Variants in NOX4 observed in about 807,000 individuals in gnomAD.
NOX4 encodes NADPH oxidase 4.
Under a neutral mutation model 87.6 loss-of-function variants are expected in NOX4, and 69 were observed. The observed-to-expected ratio is 0.79, with a 90% confidence interval of 0.65 to 0.96. NOX4 has a LOEUF of 0.96. Ranked by LOEUF, NOX4 falls within the 40% of genes least tolerant of loss-of-function variation. NOX4 has a pLI of 0.00. For missense variants in NOX4, 680 were observed against 681.5 expected (o/e 1.00, Z 0.02); for synonymous variants, 275 against 238.2 (o/e 1.15, Z -1.42).
At chr11:89,506,031 G>C in the NOX4 span, among the ~76,000 whole-genome samples, 1 of 151,714 alleles carries the variant, frequency 6.6e-6, no homozygotes, top group Non-Finnish European at 1.5e-5. Context: ...TTATGGTATT[G>C]ATAAACATAG....
At chr11:89,544,358 T>C in the NOX4 span, among the ~76,000 whole-genome samples, 1 of 152,114 alleles carries the variant, frequency 6.6e-6, no homozygotes, top group Non-Finnish European at 1.5e-5. Context: ...TAAAGGTAGG[T>C]ACCACCACTT....
At chr11:89,360,359 A>G (rs150054528) in intron 12 of NOX4, among the ~76,000 whole-genome samples, 2,178 of 152,146 alleles carry the variant, frequency 0.014, 47 homozygotes, top group African/African-American at 0.05. Context: ...CACACACAAC[A>G]AAGGTAACTA....
intron 6 of NOX4, among the ~76,000 whole-genome samples, chr11:89,433,385 C>T (rs374671032): frequency 4.2e-4 from 64 of 152,044 alleles, no homozygotes; most frequent in African/African-American, 1.5e-3. Flanking sequence ...CAAATAGGTA[C>T]TTACTTCTAA....
At chr11:89,471,022 G>A (rs534081911) in intron 2 of NOX4, among the ~76,000 whole-genome samples, 7 of 152,224 alleles carry the variant, frequency 4.6e-5, no homozygotes, top group Admixed American at 2.0e-4. Flanking sequence ...TGAAGAAAGT[G>A]TCCGAGTGTC....
intron 11 of NOX4, among the ~76,000 whole-genome samples, chr11:89,373,908 GA>G (rs34389120): frequency 3.3e-5 from 5 of 151,840 alleles, no homozygotes; most frequent in Admixed American, 6.6e-5. Flanking sequence ...ATTCCAGGGA[GA>G]AAAAAATTCT....
chr11:89,570,745 G>T, the NOX4 span, among the ~76,000 whole-genome samples: 1 of 152,124 alleles, frequency 6.6e-6, no homozygotes, highest in African/African-American at 2.4e-5. Context: ...AGGATCACTG[G>T]AGCCTAGGAG....
the NOX4 span, among the ~76,000 whole-genome samples, chr11:89,542,172 TC>T: frequency 6.6e-6 from 1 of 152,234 alleles, no homozygotes; most frequent in African/African-American, 2.4e-5. Flanking sequence ...TAAATATTTC[TC>T]TTTTTACTGA....
chr11:89,523,651 C>A, the NOX4 span, among the ~76,000 whole-genome samples: 1 of 152,126 alleles, frequency 6.6e-6, no homozygotes, highest in Non-Finnish European at 1.5e-5. Flanking sequence ...GAAAACATGT[C>A]CACACTAAAA....
chr11:89,372,897 C>G (rs979555817), intron 12 of NOX4, among the ~76,000 whole-genome samples: 1 of 151,878 alleles, frequency 6.6e-6, no homozygotes, highest in Admixed American at 6.6e-5. Flanking sequence ...ACTCAAAGCT[C>G]TTACTACAAT....
rs1945189906 is a variant in NOX4 at position 89,325,595 on chromosome 11, G to T, written c.*1161C>A. The T allele has an allele frequency of 6.6e-6, 1 of 152,042 alleles. No individual in the cohort carries two copies. Among genetic ancestry groups the T allele is most frequent in the African/African-American group, 2.4e-5 (1 of 41,396 alleles). 9.4% of individuals were successfully genotyped at this position (152,042 alleles called of 1,614,324 possible). On this transcript the variant is annotated 3_prime_UTR_variant, in exon 18 of 18. Transcript: ENST00000263317. ...GTAATATTCTGGATTCTAAACTTAA[G>T]TTTGAATAAGAATATCATATTTCCT...
intron 2 of NOX4, among the ~76,000 whole-genome samples, chr11:89,465,056 G>C (rs945594194): frequency 6.6e-6 from 1 of 152,046 alleles, no homozygotes; most frequent in Non-Finnish European, 1.5e-5. Context: ...TTTTTACATA[G>C]GTATACACGT....
chr11:89,330,292 T>C (rs1179231468), intron 17 of NOX4, among the ~76,000 whole-genome samples: 2 of 152,034 alleles, frequency 1.3e-5, no homozygotes, highest in Admixed American at 6.6e-5. Context: ...AAGGTTGCAG[T>C]GAGTCTAGAT....
upstream of NOX4, chr11:89,498,670 C>T (rs1376831415): frequency 1.3e-5 from 2 of 152,228 alleles, no homozygotes; most frequent in South Asian, 2.1e-4. Context: ...GAAAAGAATT[C>T]GGCAGGAGGG....
chr11:89,430,882 A>G (rs907481177), intron 7 of NOX4, among the ~76,000 whole-genome samples: 35 of 152,212 alleles, frequency 2.3e-4, no homozygotes, highest in African/African-American at 7.5e-4. Context: ...ACCAAAAAAG[A>G]GCCTGCATTG....
intron 11 of NOX4, among the ~76,000 whole-genome samples, chr11:89,384,245 T>C (rs1940519548): frequency 6.6e-6 from 1 of 152,132 alleles, no homozygotes; most frequent in South Asian, 2.1e-4. Context: ...ATCTCAAACA[T>C]GCTTTCTTTA....
chr11:89,570,062 T>C, the NOX4 span, among the ~76,000 whole-genome samples: 1 of 151,004 alleles, frequency 6.6e-6, no homozygotes, highest in Non-Finnish European at 1.5e-5. Flanking sequence ...CATTAATGCA[T>C]ATGTTTATTA....
the NOX4 span, among the ~76,000 whole-genome samples, chr11:89,565,587 A>C: frequency 1.3e-5 from 2 of 152,252 alleles, no homozygotes; most frequent in Non-Finnish European, 2.9e-5. Context: ...ATATTTTAAC[A>C]ATTCATAATA....
the NOX4 span, among the ~76,000 whole-genome samples, chr11:89,588,781 A>G: frequency 6.6e-6 from 1 of 152,188 alleles, no homozygotes; most frequent in Admixed American, 6.5e-5. Context: ...GAATGAACTG[A>G]ATCTGTAGGC....
Position 89,491,267 on chromosome 11 carries a change from G to A in NOX4, c.-21C>T, listed in dbSNP as rs927799992. Reference sequence around the variant, plus strand: ...GCCATGCCGCCGGCCCCGCCGCGCTGCGCTCTGTGCCCGCCGGACCGAGAA... The same window carrying A: ...GCCATGCCGCCGGCCCCGCCGCGCTACGCTCTGTGCCCGCCGGACCGAGAA... On this transcript the variant is annotated 5_prime_UTR_variant, in exon 1 of 18. Coordinates refer to ENST00000263317, the MANE Select transcript of NOX4 (RefSeq NM_016931.5). 9 of 1,610,360 alleles carry A rather than the reference G, an allele frequency of 5.6e-6. No individual in the cohort carries two copies. The highest frequency in any genetic ancestry group is 7.6e-6 in the Non-Finnish European group (9 of 1,178,298).
Sources: allele counts gnomAD v4.1 joint callset (sites outside exome capture counted in the v4.1 genomes callset), GRCh38; gene constraint gnomAD v4.1.1; transcripts MANE v1.5; gene names NCBI Gene and HGNC (gene_info 2026-07-23, HGNC 2026-07-21).